Variants in CACHD1 observed in about 807,000 individuals in gnomAD.
The protein encoded by CACHD1 is cache domain containing 1.
CACHD1 carries 71 observed loss-of-function variants against 138.7 expected under a neutral mutation model. That is an observed-to-expected ratio of 0.51 (90% CI 0.42 to 0.62). The LOEUF is 0.62. Among genes scored for constraint, CACHD1 ranks in the 20% least tolerant of loss-of-function variants. CACHD1 has a pLI of 0.00. For synonymous variants in CACHD1, 578 were observed against 591.5 expected, an observed-to-expected ratio of 0.98 and a Z score of 0.33; for missense variants, 1,389 against 1,625.3, an observed-to-expected ratio of 0.85 and a Z score of 2.50.
chr1:64,623,763 T>G (rs1479594631), intron 4 of CACHD1, among the ~76,000 whole-genome samples: 1 of 152,196 alleles, frequency 6.6e-6, no homozygotes, highest in Non-Finnish European at 1.5e-5. Context: ...TATTGCCTCC[T>G]GCACATGTGT....
At position 64,691,398 on chromosome 1, in the gene CACHD1, A is replaced by T; in HGVS notation, c.3662A>T (p.Asp1221Val). ...CNNDPLSAGV[D>V]VGNHDEDLDL... Reference sequence around the variant, plus strand: ...AATGACCCCTTGTCAGCCGGGGTCGATGTGGGAAACCATGATGAGGACTTA... The same window carrying T: ...AATGACCCCTTGTCAGCCGGGGTCGTTGTGGGAAACCATGATGAGGACTTA... The change falls in exon 27 of 27, where the codon GAT (aspartate) becomes GTT (valine). Residue 1221 changes from aspartate to valine, a missense_variant. By Grantham distance (152) the Asp-to-Val change is radical (BLOSUM62 -3). Coordinates refer to ENST00000651257, the MANE Select transcript of CACHD1 (RefSeq NM_020925.4). 1 of 1,614,144 alleles carries T rather than the reference A, an allele frequency of 6.2e-7. No individual in the cohort carries two copies. Among genetic ancestry groups the T allele is most frequent in the Non-Finnish European group, 8.5e-7 (1 of 1,180,010 alleles).
intron 14 of CACHD1, chr1:64,664,137 A>G (rs1448690730): frequency 1.1e-5 from 5 of 464,786 alleles, no homozygotes; most frequent in Admixed American, 7.4e-5. Flanking sequence ...TCTTACCCAG[A>G]GGAAGAAGTA....
intron 1 of CACHD1, among the ~76,000 whole-genome samples, chr1:64,500,607 C>T (rs1483248757): frequency 2.0e-5 from 3 of 151,624 alleles, no homozygotes; most frequent in African/African-American, 7.3e-5. Flanking sequence ...AATCCCAGCA[C>T]TTGAAGAAGT....
chr1:64,618,573 C>A (rs536295660), intron 4 of CACHD1, among the ~76,000 whole-genome samples: 4 of 152,158 alleles, frequency 2.6e-5, no homozygotes, highest in African/African-American at 9.6e-5. Context: ...TCCAGTGATC[C>A]CTGAAATATA....
Position 64,608,732 on chromosome 1 carries a change from C to A in CACHD1, c.517+5820C>A, listed in dbSNP as rs140478779. On this transcript the variant is annotated intron_variant, in intron 4 of 26. Transcript: ENST00000651257. ...TGGTAATGTTTTGCTCAGGTTCTTTCCTGCTTTTATCCCTACTTTCTCACT... is the reference window on the plus strand; with the variant it reads ...TGGTAATGTTTTGCTCAGGTTCTTTACTGCTTTTATCCCTACTTTCTCACT... 2.0e-5 allele frequency among the ~76,000 whole-genome samples: 3 copies of A among 152,288 alleles called. No individual in the cohort carries two copies. In the East Asian group the frequency reaches 5.8e-4, roughly 29 times the overall value.
rs1360060319 is a variant in CACHD1 at position 64,692,571 on chromosome 1, C to G, written c.*1010C>G. 2.6e-5 allele frequency: 4 copies of G among 152,112 alleles called. No individual in the cohort carries two copies. Among genetic ancestry groups the G allele is most frequent in the Non-Finnish European group, 4.4e-5 (3 of 68,036 alleles). The allele number at this position is 152,112 out of a possible 1,614,324, so 9.4% of individuals were successfully genotyped here. ...CAAATTTTTAAATATCCCATTTTGA[C>G]TGAGAATATTGACATATAAGGGAAG... On this transcript the variant is annotated 3_prime_UTR_variant, in exon 27 of 27. Coordinates refer to ENST00000651257, the MANE Select transcript of CACHD1 (RefSeq NM_020925.4).
chr1:64,619,511 TTG>T (rs1489375194), intron 4 of CACHD1, among the ~76,000 whole-genome samples: 1 of 152,166 alleles, frequency 6.6e-6, no homozygotes, highest in East Asian at 1.9e-4. Flanking sequence ...TGATATTACT[TTG>T]TCAGTATTTT....
intron 9 of CACHD1, among the ~76,000 whole-genome samples, chr1:64,649,438 C>T (rs1649018056): frequency 6.6e-6 from 1 of 152,178 alleles, no homozygotes; most frequent in Middle Eastern, 3.4e-3. Flanking sequence ...AGGTTATTTC[C>T]CTTTTTAGTG....
intron 4 of CACHD1, among the ~76,000 whole-genome samples, chr1:64,616,422 A>T (rs1338303311): frequency 6.6e-6 from 1 of 152,210 alleles, no homozygotes. Flanking sequence ...CTGTGATGAT[A>T]AAGGTGAACC....
intron 1 of CACHD1, among the ~76,000 whole-genome samples, chr1:64,546,136 T>C (rs1646716445): frequency 6.6e-6 from 1 of 152,152 alleles, no homozygotes; most frequent in Non-Finnish European, 1.5e-5. Flanking sequence ...TGGGGTTGTG[T>C]TCACAGTAAG....
chr1:64,689,376 C>T (rs1650469823), intron 26 of CACHD1, among the ~76,000 whole-genome samples: 2 of 152,186 alleles, frequency 1.3e-5, no homozygotes, highest in Admixed American at 6.5e-5. Flanking sequence ...CACTACTCCT[C>T]ACCCCCACAG....
chr1:64,476,611 G>A (rs1458670163), intron 1 of CACHD1, among the ~76,000 whole-genome samples: 1 of 152,200 alleles, frequency 6.6e-6, no homozygotes, highest in African/African-American at 2.4e-5. Context: ...TCCATTGACG[G>A]ATGACTCTGA....
chr1:64,493,388 C>T (rs994896628), intron 1 of CACHD1, among the ~76,000 whole-genome samples: 11 of 152,132 alleles, frequency 7.2e-5, no homozygotes, highest in African/African-American at 2.2e-4. Flanking sequence ...AATATATAGT[C>T]GAGCACTTCA....
intron 1 of CACHD1, among the ~76,000 whole-genome samples, chr1:64,533,149 G>T (rs1046907088): frequency 5.9e-5 from 9 of 152,084 alleles, no homozygotes; most frequent in African/African-American, 2.2e-4. Flanking sequence ...TGAGGCCAAG[G>T]GTTTGAGACC....
intron 1 of CACHD1, among the ~76,000 whole-genome samples, chr1:64,541,307 A>T (rs1444877694): frequency 3.9e-5 from 6 of 152,246 alleles, no homozygotes. Context: ...TAAGGTTAGG[A>T]CCTAGAAATT....
intron 3 of CACHD1, among the ~76,000 whole-genome samples, chr1:64,588,940 C>G (rs1054896148): frequency 2.0e-5 from 3 of 152,092 alleles, no homozygotes; most frequent in African/African-American, 7.2e-5. Context: ...ATTGGCTAAT[C>G]ATGGTTAGAA....
chr1:64,520,832 A>G (rs558505417), intron 1 of CACHD1, among the ~76,000 whole-genome samples: 1 of 152,204 alleles, frequency 6.6e-6, no homozygotes, highest in South Asian at 2.1e-4. Flanking sequence ...TCCCCCTCTA[A>G]TCAACTGTGT....
At chr1:64,521,462 A>G (rs1193821316) in intron 1 of CACHD1, among the ~76,000 whole-genome samples, 1 of 152,214 alleles carries the variant, frequency 6.6e-6, no homozygotes, top group African/African-American at 2.4e-5. Flanking sequence ...TGTAACATAT[A>G]TAATATGTGG....
intron 9 of CACHD1, 61 bp from the exon 10 acceptor site, chr1:64,652,100 C>A (rs1649114313): frequency 1.4e-6 from 2 of 1,430,130 alleles, no homozygotes; most frequent in Admixed American, 4.4e-5. Context: ...GAGCACAGTT[C>A]CAGTCTTTGT....
Sources: gnomAD v4.1 joint callset for allele counts (sites outside exome capture counted in the v4.1 genomes callset) on GRCh38, gnomAD v4.1.1 for gene constraint, MANE v1.5 for transcripts, NCBI Gene and HGNC (gene_info 2026-07-23, HGNC 2026-07-21) for gene names.